RIN2: variants seen among roughly 807,000 people sequenced by gnomAD.
RIN2 encodes the protein RAB5 interacting protein 2.
In RIN2, 36 loss-of-function variants were observed where a neutral mutation model predicts 78.0. The observed-to-expected ratio is 0.46, with a 90% CI of 0.35 to 0.61. The LOEUF (loss-of-function observed/expected upper bound fraction) is 0.61. RIN2 is among the 20% of genes least tolerant of loss of function. RIN2 has a pLI of 0.00. For missense variants in RIN2, 1,087 were observed against 1,159.7 expected, an observed-to-expected ratio of 0.94 and a Z score of 0.91; for synonymous variants, 466 against 466.8, an observed-to-expected ratio of 1.00 and a Z score of 0.02.
intron 9 of RIN2, 109 bp from the exon 10 acceptor site, chr20:19,989,897 T>C: frequency 9.2e-7 from 1 of 1,086,866 alleles, no homozygotes. Flanking sequence ...GTACAATTTG[T>C]GTGCCTGCAA....
intron 3 of RIN2, among the ~76,000 whole-genome samples, chr20:19,904,621 AG>A (rs1463271236): frequency 1.3e-5 from 2 of 152,166 alleles, no homozygotes; most frequent in Non-Finnish European, 2.9e-5. Flanking sequence ...AGGGAGAAAA[AG>A]GGTGGCAAGT....
intron 7 of RIN2, among the ~76,000 whole-genome samples, chr20:19,967,538 G>T (rs1422505347): frequency 6.6e-6 from 1 of 152,250 alleles, no homozygotes; most frequent in African/African-American, 2.4e-5. Flanking sequence ...TTGCACAAGA[G>T]AATTCACGAA....
At chr20:19,893,370 T>C (rs1337165254) in intron 3 of RIN2, among the ~76,000 whole-genome samples, 3 of 152,232 alleles carry the variant, frequency 2.0e-5, no homozygotes, top group African/African-American at 7.2e-5. Flanking sequence ...ACATGAGTAT[T>C]ATCCCTCTCT....
intron 2 of RIN2, among the ~76,000 whole-genome samples, chr20:19,837,316 A>ACT (rs1374330432): frequency 6.6e-6 from 1 of 152,186 alleles, no homozygotes; most frequent in African/African-American, 2.4e-5. Flanking sequence ...AATTAACTCA[A>ACT]TACACATGAA....
chr20:19,934,423 T>C, intron 3 of RIN2: 6 of 963,532 alleles, frequency 6.2e-6, no homozygotes, highest in Non-Finnish European at 7.4e-6. Context: ...AAGGGTCAGA[T>C]GCAGGTGCAT....
At chr20:19,894,100 C>T (rs1271341605) in intron 3 of RIN2, among the ~76,000 whole-genome samples, 1 of 151,950 alleles carries the variant, frequency 6.6e-6, no homozygotes, top group Non-Finnish European at 1.5e-5. Flanking sequence ...CAACAAAACA[C>T]GTGGTGGGGA....
chr20:19,981,634 G>A (rs1296968264), intron 9 of RIN2, among the ~76,000 whole-genome samples: 4 of 152,220 alleles, frequency 2.6e-5, no homozygotes, highest in Non-Finnish European at 4.4e-5. Context: ...TCACACAGAT[G>A]TAGCCCATAC....
At chr20:19,930,627 G>A (rs2040404500) in intron 3 of RIN2, among the ~76,000 whole-genome samples, 1 of 152,160 alleles carries the variant, frequency 6.6e-6, no homozygotes, top group Admixed American at 6.5e-5. Flanking sequence ...AGAGGCTGTG[G>A]CCGGCCCTCC....
intron 1 of RIN2, 48 bp downstream of exon 1, chr20:19,758,375 G>C (rs1233511160): frequency 1.3e-5 from 2 of 152,284 alleles, no homozygotes; most frequent in African/African-American, 4.8e-5. Context: ...CCCGCACCTA[G>C]AGAGCCCGGA....
intron 1 of RIN2, among the ~76,000 whole-genome samples, chr20:19,770,627 C>T (rs963051612): frequency 6.6e-6 from 1 of 151,892 alleles, no homozygotes; most frequent in Non-Finnish European, 1.5e-5. Flanking sequence ...CTGCCCCCAG[C>T]CTCTGTCCCT....
intron 2 of RIN2, among the ~76,000 whole-genome samples, chr20:19,811,072 G>A (rs866861990): frequency 1.8e-4 from 27 of 151,796 alleles, no homozygotes; most frequent in African/African-American, 5.8e-4. Context: ...AGGATAAAGC[G>A]GAAAGTACCA....
At position 20,001,151 on chromosome 20, in the gene RIN2, GAAT is replaced by G. The variant is rs2043131448; in HGVS notation, c.*216_*218del. 2 of 549,952 alleles carry G rather than the reference GAAT, an allele frequency of 3.6e-6. No homozygotes were observed. The highest frequency in any genetic ancestry group is 5.2e-5 in the South Asian group (2 of 38,670). The allele number at this position is 549,952 out of a possible 1,614,324, so 34.1% of individuals were successfully genotyped here. The stretch of plus-strand genomic sequence containing the variant: ...AGTAGGATTCTCTTTTGGCAATGGA[GAAT>G]TGCATCTGATGGTTCAAGTGTCCTG... On this transcript the variant is annotated 3_prime_UTR_variant, in exon 13 of 13. Transcript: ENST00000255006.
At chr20:19,978,838 A>AAATGCT (rs1273426223) in intron 9 of RIN2, among the ~76,000 whole-genome samples, 5 of 152,234 alleles carry the variant, frequency 3.3e-5, no homozygotes, top group African/African-American at 1.2e-4. Context: ...AAGAACAGAC[A>AAATGCT]AATGCTTTAA....
At chr20:19,878,932 C>A (rs1312448470) in intron 2 of RIN2, among the ~76,000 whole-genome samples, 3 of 152,156 alleles carry the variant, frequency 2.0e-5, no homozygotes, top group Non-Finnish European at 2.9e-5. Flanking sequence ...CCATGCTAAC[C>A]ACACCTGCCC....
chr20:19,939,528 T>A (rs759259764), intron 4 of RIN2, among the ~76,000 whole-genome samples: 5 of 152,246 alleles, frequency 3.3e-5, no homozygotes, highest in Non-Finnish European at 7.3e-5. Flanking sequence ...AGCCTTTTGA[T>A]AATTTTGCAT....
intron 2 of RIN2, among the ~76,000 whole-genome samples, chr20:19,844,657 CTTCTTCTTCTTCCTT>C (rs1440500774): frequency 3.0e-5 from 4 of 135,282 alleles, no homozygotes; most frequent in African/African-American, 5.7e-5. Context: ...TCTTCTTCTT[CTTCTTCTTCTTCCTT>C]CTTCTTCTTC....
intron 3 of RIN2, among the ~76,000 whole-genome samples, chr20:19,923,216 G>GT (rs1303077267): frequency 2.0e-5 from 3 of 151,902 alleles, no homozygotes; most frequent in African/African-American, 7.3e-5. Context: ...AGGAGTTCGA[G>GT]ACCAGCCTGG....
intron 2 of RIN2, among the ~76,000 whole-genome samples, chr20:19,829,927 A>G (rs1431381491): frequency 1.3e-5 from 2 of 152,244 alleles, no homozygotes; most frequent in Non-Finnish European, 2.9e-5. Context: ...GTGGGAGCCC[A>G]TCTGCGTGGT....
intron 2 of RIN2, among the ~76,000 whole-genome samples, chr20:19,883,242 G>T (rs2038080740): frequency 6.6e-6 from 1 of 152,172 alleles, no homozygotes. Flanking sequence ...GGCGAAGAGG[G>T]ATGCCTCAGG....
Sources: allele counts gnomAD v4.1 joint callset (sites outside exome capture counted in the v4.1 genomes callset), GRCh38; gene constraint gnomAD v4.1.1; transcripts MANE v1.5; gene names NCBI Gene and HGNC (gene_info 2026-07-23, HGNC 2026-07-21).